The following FOXN2 variants were observed in gnomAD, a reference collection of about 807,000 sequenced individuals.
FOXN2 encodes forkhead box protein N2.
In FOXN2, 19 loss-of-function variants were observed where a neutral mutation model predicts 41.2. The observed-to-expected ratio is 0.46, with a 90% CI of 0.32 to 0.68. The LOEUF (loss-of-function observed/expected upper bound fraction) is 0.68, where lower values mean the gene tolerates loss of function less well. Among genes scored for constraint, FOXN2 ranks in the 30% least tolerant of loss-of-function variants. The pLI is 0.03. For synonymous variants in FOXN2, 195 were observed against 176.8 expected (o/e 1.10, Z -0.82); for missense variants, 587 against 509.4 (o/e 1.15, Z -1.47).
chr2:48,314,148 C>T (rs1040423194), upstream of FOXN2, among the ~76,000 whole-genome samples: 1 of 152,248 alleles, frequency 6.6e-6, no homozygotes, highest in African/African-American at 2.4e-5. Flanking sequence ...CAGGCAATGG[C>T]GGAAGGTCTT....
At chr2:48,354,697 C>T (rs979742705) in intron 3 of FOXN2, among the ~76,000 whole-genome samples, 6 of 152,142 alleles carry the variant, frequency 3.9e-5, no homozygotes. Context: ...GCAATGTTTA[C>T]TATCAACAGT....
rs530738101 is a variant in FOXN2, at chr2:48,362,165, C to A, written c.639-478C>A. Among the ~76,000 whole-genome samples the A allele has an allele frequency of 4.6e-4, 70 of 152,326 alleles. 2 individuals are homozygous for A. The East Asian group carries it at 0.013, about 28-fold the overall frequency. On this transcript the variant is annotated intron_variant, in intron 4 of 6. Transcript: ENST00000340553. ...ACCTCTTTTGGCTCCTATGCTCTTTCTGCTTTGGCAGACTTTCTAAATTGA... is the reference window on the plus strand; with the variant it reads ...ACCTCTTTTGGCTCCTATGCTCTTTATGCTTTGGCAGACTTTCTAAATTGA...
chr2:48,369,903 G>A (rs1050441642), intron 5 of FOXN2, among the ~76,000 whole-genome samples: 10 of 152,018 alleles, frequency 6.6e-5, no homozygotes, highest in Admixed American at 3.3e-4. Context: ...GGGAAGCTAA[G>A]GTTGAAGGAT....
intron 3 of FOXN2, among the ~76,000 whole-genome samples, chr2:48,355,202 C>A (rs1173227119): frequency 2.0e-5 from 3 of 152,070 alleles, no homozygotes. Context: ...TTGGTCACAT[C>A]TATAATTTTT....
intron 3 of FOXN2, among the ~76,000 whole-genome samples, chr2:48,357,862 GAAAAAAAAA>G (rs200738115): frequency 8.8e-6 from 1 of 113,712 alleles, no homozygotes; most frequent in African/African-American, 3.3e-5. Flanking sequence ...GTCTTTTATT[GAAAAAAAAA>G]AAAAAAAAAA....
intron 4 of FOXN2, 32 bp downstream of exon 4, chr2:48,359,179 A>AT: frequency 6.8e-7 from 1 of 1,475,370 alleles, no homozygotes. Context: ...GTCAGTGGTG[A>AT]TTTATAGGAT....
At chr2:48,349,885 C>G (rs995352032) in intron 3 of FOXN2, among the ~76,000 whole-genome samples, 1 of 152,210 alleles carries the variant, frequency 6.6e-6, no homozygotes, top group Non-Finnish European at 1.5e-5. Context: ...AAGAAGCCAC[C>G]CAAATTTTAA....
At chr2:48,319,616 C>CTTTT (rs35143943) in intron 1 of FOXN2, among the ~76,000 whole-genome samples, 5 of 133,934 alleles carry the variant, frequency 3.7e-5, no homozygotes, top group Middle Eastern at 3.5e-3. Context: ...TATTTAAATT[C>CTTTT]TTTTTTTTTT....
chr2:48,354,328 G>A (rs138382811), intron 3 of FOXN2, among the ~76,000 whole-genome samples: 19 of 152,206 alleles, frequency 1.2e-4, no homozygotes, highest in East Asian at 3.9e-4. Context: ...CTGGCTGGGC[G>A]CGGTGGCTCA....
chr2:48,326,246 ATTTGTATAGGC>A (rs953182078), intron 1 of FOXN2, among the ~76,000 whole-genome samples: 6 of 152,194 alleles, frequency 3.9e-5, no homozygotes, highest in Non-Finnish European at 8.8e-5. Context: ...AGGGACTAGG[ATTTGTATAGGC>A]TTTGAGAGAG....
chr2:48,326,371 C>G (rs1224910605), intron 1 of FOXN2, among the ~76,000 whole-genome samples: 1 of 152,068 alleles, frequency 6.6e-6, no homozygotes. Context: ...TACGCAGGGT[C>G]TTGTATACAA....
At chr2:48,353,603 T>A (rs974531674) in intron 3 of FOXN2, among the ~76,000 whole-genome samples, 14 of 92,426 alleles carry the variant, frequency 1.5e-4, no homozygotes, top group East Asian at 1.3e-3. Context: ...TGTGTGTGTG[T>A]GTGAAAGAGA....
intron 3 of FOXN2, among the ~76,000 whole-genome samples, chr2:48,353,716 T>G (rs1340467472): frequency 6.6e-6 from 1 of 152,088 alleles, no homozygotes; most frequent in Non-Finnish European, 1.5e-5. Context: ...ACATTTGGGT[T>G]TCTAATTTTT....
intron 1 of FOXN2, among the ~76,000 whole-genome samples, chr2:48,318,174 T>C (rs1249358264): frequency 6.6e-6 from 1 of 152,242 alleles, no homozygotes; most frequent in Non-Finnish European, 1.5e-5. Context: ...TACATTACAA[T>C]GGTACATTTG....
At chr2:48,335,827 A>G (rs965752271) in intron 2 of FOXN2, among the ~76,000 whole-genome samples, 1 of 151,272 alleles carries the variant, frequency 6.6e-6, no homozygotes, top group East Asian at 2.0e-4. Flanking sequence ...GGAAATAGAG[A>G]CCATCCTGGT....
rs1044003754 is a variant in FOXN2 at position 48,373,167 on chromosome 2, G to A, written c.704-125G>A. 2.3e-5 allele frequency: 15 copies of A among 638,394 alleles called. 1 individual carries two copies. The African/African-American group carries it at 2.5e-4, about 11-fold the overall frequency. 39.5% of individuals were successfully genotyped at this position (638,394 alleles called of 1,614,324 possible). On this transcript the variant is annotated intron_variant, in intron 5 of 6. Transcript: ENST00000340553. ...ATAATATCTCATTTTTGTTTGATGT[G>A]CGTTTATGCTTTCTTAGAATATACA...
At chr2:48,355,148 C>A (rs1471495294) in intron 3 of FOXN2, among the ~76,000 whole-genome samples, 1 of 152,090 alleles carries the variant, frequency 6.6e-6, no homozygotes, top group African/African-American at 2.4e-5. Flanking sequence ...AGTTACAAAA[C>A]CATATGTCCA....
chr2:48,376,864 G>C lies in FOXN2; in HGVS notation c.*1421G>C, dbSNP rs2104555407. The C allele has an allele frequency of 6.6e-6, 1 of 152,426 alleles. No individual in the cohort carries two copies. The allele number at this position is 152,426 out of a possible 1,614,324, so 9.4% of individuals were successfully genotyped here. A position where few individuals can be genotyped will look rare whatever the true frequency, so the allele number is the denominator to read the frequency against. On this transcript the variant is annotated 3_prime_UTR_variant, in exon 7 of 7. Coordinates refer to ENST00000340553, the MANE Select transcript of FOXN2 (RefSeq NM_002158.4). Reference sequence around the variant, plus strand: ...ACAATGACCTTGTTTTCATTATTCTGATAGATTGTATACATATGTACACAT... The same window carrying C: ...ACAATGACCTTGTTTTCATTATTCTCATAGATTGTATACATATGTACACAT...
intron 4 of FOXN2, among the ~76,000 whole-genome samples, chr2:48,359,802 A>G (rs1398316535): frequency 6.6e-6 from 1 of 152,176 alleles, no homozygotes; most frequent in Non-Finnish European, 1.5e-5. Flanking sequence ...AGTTACAAAC[A>G]GGTCAGATCA....
Sources: gnomAD v4.1 joint callset for allele counts (sites outside exome capture counted in the v4.1 genomes callset) on GRCh38, gnomAD v4.1.1 for gene constraint, MANE v1.5 for transcripts, NCBI Gene and HGNC (gene_info 2026-07-23, HGNC 2026-07-21) for gene names.